GPATCH8: variants seen among roughly 807,000 people sequenced by gnomAD.
GPATCH8 encodes the protein G-patch domain containing 8, also known as G patch domain-containing protein 8.
In GPATCH8, 18 loss-of-function variants were observed where a neutral mutation model predicts 118.3. That is an observed-to-expected ratio of 0.15 (90% CI 0.11 to 0.23). The LOEUF is 0.23. Ranked by LOEUF, GPATCH8 falls within the 10% of genes least tolerant of loss-of-function variation. GPATCH8 has a pLI of 1.00. For synonymous variants in GPATCH8, 659 were observed against 684.7 expected (o/e 0.96, Z 0.59); for missense variants, 1,631 against 1,873.8 (o/e 0.87, Z 2.39).
intron 2 of GPATCH8, among the ~76,000 whole-genome samples, chr17:44,469,279 T>G (rs1274493299): frequency 6.6e-6 from 1 of 152,240 alleles, no homozygotes; most frequent in Non-Finnish European, 1.5e-5. Flanking sequence ...CATTATTAAC[T>G]GTTTCAGCCA....
chr17:44,483,717 C>T (rs754543569), intron 1 of GPATCH8, among the ~76,000 whole-genome samples: 2 of 152,146 alleles, frequency 1.3e-5, no homozygotes, highest in African/African-American at 2.4e-5. Context: ...TCTCAACTCA[C>T]TGCAACCTCT....
intron 1 of GPATCH8, among the ~76,000 whole-genome samples, chr17:44,489,587 G>A (rs781439902): frequency 3.9e-5 from 6 of 152,090 alleles, no homozygotes; most frequent in Non-Finnish European, 5.9e-5. Context: ...TGATCCGCCC[G>A]CCTCGGCCTC....
intron 2 of GPATCH8, 106 bp downstream of exon 2, chr17:44,474,723 C>T (rs1314751845): frequency 1.4e-6 from 1 of 721,990 alleles, no homozygotes; most frequent in Non-Finnish European, 2.6e-6. Flanking sequence ...CAACTCTAAA[C>T]TGTACTATTG....
intron 6 of GPATCH8, among the ~76,000 whole-genome samples, chr17:44,406,564 T>C (rs886981645): frequency 2.2e-5 from 3 of 136,128 alleles, no homozygotes; most frequent in Non-Finnish European, 4.8e-5. Flanking sequence ...AAAAAGGTGG[T>C]TTTTTTTTCT....
At chr17:44,415,996 T>C (rs1217183195) in intron 6 of GPATCH8, among the ~76,000 whole-genome samples, 1 of 152,066 alleles carries the variant, frequency 6.6e-6, no homozygotes, top group East Asian at 1.9e-4. Context: ...CAGAAGGGGA[T>C]TTTTTCAACA....
chr17:44,422,356 T>C (rs2049938019), intron 6 of GPATCH8, among the ~76,000 whole-genome samples: 1 of 152,012 alleles, frequency 6.6e-6, no homozygotes, highest in South Asian at 2.1e-4. Flanking sequence ...ATTACATTTT[T>C]TGTAATTAGC....
At position 44,435,068 on chromosome 17, in the gene GPATCH8, G is replaced by A; in HGVS notation, c.345C>T (p.Tyr115=). ...KEDTEELRQK[Y]KDYVDKEKAI... ...ATGAATAGCTTTGTTTAAATACCTT[G>A]TACTTTTGTCTCAGCTCTTCTGTGT... is the stretch of plus-strand genomic sequence containing the variant. Residue 115 remains tyrosine (Y), a synonymous_variant, in exon 5 of 8, where the codon TAC becomes TAT. Transcript: ENST00000591680. 1 of 1,303,350 alleles carries A rather than the reference G, an allele frequency of 7.7e-7. No individual in the cohort carries two copies. Among genetic ancestry groups the A allele is most frequent in the Non-Finnish European group, 1.1e-6 (1 of 896,174 alleles). 80.7% of individuals were successfully genotyped at this position (1,303,350 alleles called of 1,614,324 possible).
chr17:44,500,944 A>T (rs1032531540), intron 1 of GPATCH8, among the ~76,000 whole-genome samples: 2 of 152,220 alleles, frequency 1.3e-5, no homozygotes, highest in African/African-American at 4.8e-5. Flanking sequence ...CATTAAATGA[A>T]AGTCAATCTG....
chr17:44,462,737 C>G (rs532164520), intron 3 of GPATCH8, among the ~76,000 whole-genome samples: 26 of 152,238 alleles, frequency 1.7e-4, no homozygotes, highest in African/African-American at 6.3e-4. Context: ...AATCCCAGCA[C>G]TTTTGGAGGC....
intron 2 of GPATCH8, among the ~76,000 whole-genome samples, chr17:44,469,565 G>A (rs2144341840): frequency 6.6e-6 from 1 of 152,288 alleles, no homozygotes; most frequent in South Asian, 2.1e-4. Context: ...TTTTGTTTTA[G>A]TTGACAGCCA....
chr17:44,401,741 T>C (rs2143650114), intron 7 of GPATCH8, among the ~76,000 whole-genome samples: 1 of 148,544 alleles, frequency 6.7e-6, no homozygotes, highest in South Asian at 2.1e-4. Context: ...TGGTGGCTCA[T>C]GCCTGTAATC....
rs1290637019 is a variant in GPATCH8, at chr17:44,397,049, G to A, written c.*519C>T. The stretch of plus-strand genomic sequence containing the variant: ...CGCTTTCCACCTCACCTGGGATAAC[G>A]TAACGTCACCAAAGATGGTCAAAGA... On this transcript the variant is annotated 3_prime_UTR_variant, in exon 8 of 8. Coordinates refer to ENST00000591680, the MANE Select transcript of GPATCH8 (RefSeq NM_001002909.4). 2.2e-5 allele frequency: 10 copies of A among 453,960 alleles called. No individual in the cohort carries two copies. The highest frequency in any genetic ancestry group is 7.8e-5 in the South Asian group (5 of 64,476). The allele number at this position is 453,960 out of a possible 1,614,324, so 28.1% of individuals were successfully genotyped here. A position where few individuals can be genotyped will look rare whatever the true frequency, so the allele number is the denominator to read the frequency against.
At chr17:44,488,214 T>C (rs1235564859) in intron 1 of GPATCH8, among the ~76,000 whole-genome samples, 1 of 128,758 alleles carries the variant, frequency 7.8e-6, no homozygotes, top group East Asian at 2.6e-4. Flanking sequence ...TGAGCCACCG[T>C]GCCTGACCCT....
chr17:44,455,108 T>A (rs547173578), intron 3 of GPATCH8, among the ~76,000 whole-genome samples: 1 of 152,346 alleles, frequency 6.6e-6, no homozygotes, highest in South Asian at 2.1e-4. Flanking sequence ...TATCAGCTTT[T>A]CCTAAGAAGG....
rs890796517 is a variant in GPATCH8, at chr17:44,398,938, G to A, written c.3139C>T (p.Pro1047Ser). The A allele has an allele frequency of 1.9e-6, 3 of 1,613,972 alleles. No homozygotes were observed. Among genetic ancestry groups the A allele is most frequent in the African/African-American group, 1.3e-5 (1 of 74,878 alleles). The change falls in exon 8 of 8, where the codon CCT becomes TCT. Residue 1047 changes from proline to serine, a missense_variant. Around this residue, in one of 8 missense-constraint regions of GPATCH8, gnomAD observed 922 missense variants for 879.7 expected, o/e 1.05. Transcript: ENST00000591680. ...HYFRSGRGEG[P>S]GKKDDGRGDD... ...CCTCTGCCATCATCTTTCTTCCCAG[G>A]ACCTTCTCCCCGGCCTGATCGGAAA... is the stretch of plus-strand genomic sequence containing the variant.
chr17:44,488,181 C>T (rs908021952), intron 1 of GPATCH8, among the ~76,000 whole-genome samples: 6 of 149,648 alleles, frequency 4.0e-5, no homozygotes, highest in Non-Finnish European at 5.9e-5. Context: ...CCTCGGCCTC[C>T]CAGAGTGCTG....
chr17:44,459,185 T>C (rs1337008690), intron 3 of GPATCH8, among the ~76,000 whole-genome samples: 2 of 152,270 alleles, frequency 1.3e-5, no homozygotes, highest in Non-Finnish European at 2.9e-5. Flanking sequence ...CTAAAACACA[T>C]CTAACATCAA....
intron 6 of GPATCH8, among the ~76,000 whole-genome samples, chr17:44,419,364 A>ATGG (rs1481812071): frequency 1.3e-5 from 2 of 152,230 alleles, no homozygotes; most frequent in African/African-American, 2.4e-5. Flanking sequence ...ATTTGGAAAA[A>ATGG]TGGTAGGTCC....
In GPATCH8 at chr17:44,493,833, G is replaced by C. The variant is rs142320561; in HGVS notation, c.45+9493C>G. 3.2e-3 allele frequency among the ~76,000 whole-genome samples: 482 copies of C among 152,292 alleles called. 1 individual carries two copies. The highest frequency in any genetic ancestry group is 5.3e-3 in the Non-Finnish European group (361 of 68,038). ...CCTCAGTTTCTTCATCTTCAAAATA[G>C]GATTAGTACCTCTTCTATTTACTTC... On this transcript the variant is annotated intron_variant, in intron 1 of 7. Transcript: ENST00000591680.
Sources: allele counts gnomAD v4.1 joint callset (sites outside exome capture counted in the v4.1 genomes callset), GRCh38; gene constraint gnomAD v4.1.1; regional missense constraint gnomAD v4.1.1; transcripts MANE v1.5; gene names NCBI Gene and HGNC (gene_info 2026-07-23, HGNC 2026-07-21).